Variants in GPC5 observed in about 807,000 individuals in gnomAD.
GPC5 encodes the protein glypican-5.
A neutral mutation model predicts 53.9 loss-of-function variants in GPC5; 47 were observed. The ratio of observed to expected loss-of-function variants is 0.87; its 90% CI spans 0.69 to 1.11. The LOEUF is 1.11. GPC5 is among the 50% of genes most tolerant of loss of function. The probability of loss-of-function intolerance (pLI) is 0.00; values close to 1 mark genes in which losing one functional copy is unlikely to be tolerated. For missense variants in GPC5, 748 were observed against 713.1 expected, an observed-to-expected ratio of 1.05 and a Z score of -0.56; for synonymous variants, 286 against 263.3, an observed-to-expected ratio of 1.09 and a Z score of -0.84.
chr13:91,727,799 T>C (rs2036606984), intron 3 of GPC5, among the ~76,000 whole-genome samples: 1 of 152,168 alleles, frequency 6.6e-6, no homozygotes, highest in African/African-American at 2.4e-5. Flanking sequence ...GTTATATTAC[T>C]CTGCCTTTTC....
intron 7 of GPC5, among the ~76,000 whole-genome samples, chr13:92,501,662 A>G (rs1041621512): frequency 6.6e-6 from 1 of 152,130 alleles, no homozygotes; most frequent in African/African-American, 2.4e-5. Context: ...CAAGAAAACA[A>G]AAAGAGTAAA....
intron 6 of GPC5, among the ~76,000 whole-genome samples, chr13:92,075,944 GCAGA>G (rs1204689488): frequency 1.3e-5 from 2 of 152,124 alleles, no homozygotes; most frequent in Non-Finnish European, 2.9e-5. Flanking sequence ...GAAGGGAAAA[GCAGA>G]CAGTTTTGTA....
At chr13:91,942,865 T>C (rs1212604787) in intron 6 of GPC5, among the ~76,000 whole-genome samples, 2 of 152,094 alleles carry the variant, frequency 1.3e-5, no homozygotes, top group Non-Finnish European at 2.9e-5. Context: ...ACAATAATTA[T>C]ACATGAAAAA....
At chr13:91,918,281 A>G (rs2139012633) in intron 6 of GPC5, among the ~76,000 whole-genome samples, 1 of 152,318 alleles carries the variant, frequency 6.6e-6, no homozygotes, top group South Asian at 2.1e-4. Context: ...TTCCCTTGAC[A>G]TGTGGGTATT....
chr13:91,852,180 AT>A (rs887498262), intron 5 of GPC5, among the ~76,000 whole-genome samples: 1 of 151,758 alleles, frequency 6.6e-6, no homozygotes, highest in Admixed American at 6.6e-5. Flanking sequence ...AGTTGTTTTA[AT>A]TTTTTTCTTT....
chr13:92,294,912 C>T (rs2043024061), intron 7 of GPC5, among the ~76,000 whole-genome samples: 1 of 150,054 alleles, frequency 6.7e-6, no homozygotes, highest in Non-Finnish European at 1.5e-5. Flanking sequence ...TCACTACAAC[C>T]TCTGCCTCCC....
chr13:91,843,990 A>C (rs1430281073), intron 5 of GPC5, among the ~76,000 whole-genome samples: 1 of 152,188 alleles, frequency 6.6e-6, no homozygotes, highest in African/African-American at 2.4e-5. Context: ...GTCTGTGAAC[A>C]AAACTATTTT....
chr13:92,764,072 C>G (rs1875297117), intron 7 of GPC5, among the ~76,000 whole-genome samples: 1 of 152,092 alleles, frequency 6.6e-6, no homozygotes, highest in Admixed American at 6.6e-5. Context: ...CTCAGAGTAC[C>G]ATGTCAGCTC....
At chr13:92,540,415 G>C (rs1881895733) in intron 7 of GPC5, among the ~76,000 whole-genome samples, 1 of 151,924 alleles carries the variant, frequency 6.6e-6, no homozygotes, top group Admixed American at 6.6e-5. Context: ...ATTAAATAAA[G>C]AAAAAATAAT....
intron 6 of GPC5, among the ~76,000 whole-genome samples, chr13:92,061,541 G>A (rs996683658): frequency 6.6e-5 from 10 of 152,076 alleles, no homozygotes; most frequent in East Asian, 3.9e-4. Flanking sequence ...TTATGGGAAC[G>A]AAATTATTGA....
Position 92,527,182 on chromosome 13 carries a change from G to GAAGAAAGA in GPC5, c.1562-339039_1562-339032dup, listed in dbSNP as rs1168907594. Among the ~76,000 whole-genome samples, 123 of 45,142 alleles carry GAAGAAAGA rather than the reference G, an allele frequency of 2.7e-3. 10 individuals carry two copies. Among genetic ancestry groups the GAAGAAAGA allele is most frequent in the Non-Finnish European group, 4.8e-3 (105 of 21,742 alleles). 29.6% of individuals were successfully genotyped at this position (45,142 alleles called of 152,430 possible). ...AAAGAAAGAAAGAAAGAGAAAGAAA[G>GAAGAAAGA]AAGAAAGAAAGAAAGAAAGAAAGAA... On this transcript the variant is annotated intron_variant, in intron 7 of 7. Coordinates refer to ENST00000377067, the MANE Select transcript of GPC5 (RefSeq NM_004466.6).
chr13:92,636,332 T>C (rs933100263), intron 7 of GPC5, among the ~76,000 whole-genome samples: 1 of 152,162 alleles, frequency 6.6e-6, no homozygotes, highest in Non-Finnish European at 1.5e-5. Flanking sequence ...AAAAAATCAT[T>C]ATCATCTTGC....
chr13:92,827,343 T>C (rs1020973460), intron 7 of GPC5, among the ~76,000 whole-genome samples: 2 of 152,134 alleles, frequency 1.3e-5, no homozygotes, highest in African/African-American at 4.8e-5. Context: ...AAGTGGCTAA[T>C]CCTGATGACA....
chr13:91,625,293 C>G (rs1324836593), intron 2 of GPC5, among the ~76,000 whole-genome samples: 1 of 151,332 alleles, frequency 6.6e-6, no homozygotes, highest in Non-Finnish European at 1.5e-5. Flanking sequence ...TTAAGAAGAC[C>G]TGATTAATCA....
chr13:91,400,087 A>G (rs1461695594), intron 1 of GPC5, among the ~76,000 whole-genome samples: 1 of 152,142 alleles, frequency 6.6e-6, no homozygotes, highest in Non-Finnish European at 1.5e-5. Flanking sequence ...TAGCTGTCAA[A>G]CGCAATAGCA....
intron 1 of GPC5, among the ~76,000 whole-genome samples, chr13:91,422,510 C>A (rs1459095921): frequency 6.6e-6 from 1 of 152,070 alleles, no homozygotes; most frequent in Admixed American, 6.6e-5. Flanking sequence ...GTAGTAGGTG[C>A]CTGTAATCCC....
intron 7 of GPC5, among the ~76,000 whole-genome samples, chr13:92,310,358 C>A (rs1278913538): frequency 1.3e-5 from 2 of 152,094 alleles, no homozygotes; most frequent in Admixed American, 6.5e-5. Flanking sequence ...AGCAAAATTG[C>A]TGAATGCTTT....
At chr13:91,512,249 G>A (rs1342416646) in intron 2 of GPC5, among the ~76,000 whole-genome samples, 1 of 152,218 alleles carries the variant, frequency 6.6e-6, no homozygotes, top group Non-Finnish European at 1.5e-5. Flanking sequence ...ACGTAGTGCA[G>A]CTGGTAGTAT....
At chr13:92,599,529 A>C (rs1883981317) in intron 7 of GPC5, among the ~76,000 whole-genome samples, 1 of 152,156 alleles carries the variant, frequency 6.6e-6, no homozygotes, top group Admixed American at 6.5e-5. Context: ...TTCTGCAGAG[A>C]TCTGCAGTGT....
Sources: gnomAD v4.1 joint callset for allele counts (sites outside exome capture counted in the v4.1 genomes callset) on GRCh38, gnomAD v4.1.1 for gene constraint, MANE v1.5 for transcripts, NCBI Gene and HGNC (gene_info 2026-07-23, HGNC 2026-07-21) for gene names.